The following MEIS2 variants were observed in gnomAD, a reference collection of about 807,000 sequenced individuals.
The protein encoded by MEIS2 is homeobox protein Meis2.
Under a neutral mutation model 58.6 loss-of-function variants are expected in MEIS2, and 9 were observed. That is an observed-to-expected ratio of 0.15 (90% confidence interval 0.09 to 0.27). MEIS2 has a LOEUF of 0.27. MEIS2 is among the 10% of genes least tolerant of loss of function. MEIS2 has a pLI of 1.00. For missense variants in MEIS2, 427 were observed against 635.0 expected (o/e 0.67, Z 3.52); for synonymous variants, 221 against 228.4 (o/e 0.97, Z 0.29).
chr15:36,995,185 G>A (rs563609595), intron 8 of MEIS2, among the ~76,000 whole-genome samples: 9 of 152,304 alleles, frequency 5.9e-5, no homozygotes, highest in African/African-American at 2.2e-4. Flanking sequence ...TGGCTGAAGG[G>A]AAATGGTCAA....
chr15:37,044,741 C>A (rs1336761015), intron 7 of MEIS2, among the ~76,000 whole-genome samples: 1 of 152,222 alleles, frequency 6.6e-6, no homozygotes, highest in Non-Finnish European at 1.5e-5. Context: ...ACTTCTTCAA[C>A]AGTTTGTTCT....
intron 6 of MEIS2, among the ~76,000 whole-genome samples, chr15:37,086,160 A>G (rs1892855545): frequency 6.6e-6 from 1 of 152,230 alleles, no homozygotes; most frequent in South Asian, 2.1e-4. Context: ...CATGAAAATT[A>G]TAATAATTAA....
intron 9 of MEIS2, among the ~76,000 whole-genome samples, chr15:36,928,624 T>C (rs1309380318): frequency 6.6e-6 from 1 of 152,234 alleles, no homozygotes; most frequent in African/African-American, 2.4e-5. Context: ...AGAGAGTTTA[T>C]GTACCCTCTG....
chr15:37,060,782 G>A (rs1421677705), intron 7 of MEIS2, among the ~76,000 whole-genome samples: 1 of 152,162 alleles, frequency 6.6e-6, no homozygotes, highest in Non-Finnish European at 1.5e-5. Context: ...CAGCTACAGA[G>A]TGCAGGGATT....
Position 37,093,716 on chromosome 15 carries a change from G to A in MEIS2, c.504C>T (p.Cys168=), listed in dbSNP as rs777983390. The change falls in exon 6 of 12, where the codon TGC becomes TGT. Residue 168 remains cysteine, a synonymous_variant. Coordinates refer to ENST00000561208, the MANE Select transcript of MEIS2 (RefSeq NM_170675.5). ...LLELEKVHEL[C]DNFCHRYISC... ...TAATGTATCGGTGGCAGAAGTTATC[G>A]CACAGTTCGTGGACCTAGAACGAAG... The A allele has an allele frequency of 7.4e-6, 12 of 1,613,966 alleles. No individual in the cohort carries two copies. Among genetic ancestry groups the A allele is most frequent in the East Asian group, 2.2e-5 (1 of 44,892 alleles).
At chr15:36,991,783 CTTTTTTTTTTTTT>C in intron 8 of MEIS2, among the ~76,000 whole-genome samples, 1 of 51,042 alleles carries the variant, frequency 2.0e-5, no homozygotes, top group South Asian at 1.3e-3. Flanking sequence ...TTTTTTTTTT[CTTTTTTTTTTTTT>C]TTTTTTTTTG....
rs1319045692 is a variant in MEIS2, at chr15:37,099,836, A to G, written c.-370T>C. ...AAAGAAAGAAAAGAAAAAGAAGAAAAAGAAGAAAAAAATTGTCAAGCCCCC... is the reference window on the plus strand; with the variant it reads ...AAAGAAAGAAAAGAAAAAGAAGAAAGAGAAGAAAAAAATTGTCAAGCCCCC... On this transcript the variant is annotated 5_prime_UTR_variant, in exon 1 of 12. Coordinates refer to ENST00000561208, the MANE Select transcript of MEIS2 (RefSeq NM_170675.5). 8.9e-6 allele frequency: 2 copies of G among 223,570 alleles called. No individual in the cohort carries two copies. The highest frequency in any genetic ancestry group is 1.9e-4 in the East Asian group (2 of 10,286). 13.8% of individuals were successfully genotyped at this position (223,570 alleles called of 1,614,324 possible).
intron 7 of MEIS2, among the ~76,000 whole-genome samples, chr15:37,052,012 A>G (rs768999614): frequency 1.2e-4 from 19 of 152,166 alleles, no homozygotes; most frequent in Non-Finnish European, 2.4e-4. Flanking sequence ...TTTGAAAGAT[A>G]ATAAAAGTAA....
intron 9 of MEIS2, among the ~76,000 whole-genome samples, chr15:36,921,530 G>A (rs960498229): frequency 6.6e-6 from 1 of 152,206 alleles, no homozygotes; most frequent in African/African-American, 2.4e-5. Context: ...AACTTTGGGA[G>A]TTGAAGGTTG....
At chr15:37,027,804 C>T (rs2061757463) in intron 8 of MEIS2, among the ~76,000 whole-genome samples, 1 of 151,356 alleles carries the variant, frequency 6.6e-6, no homozygotes, top group Admixed American at 6.6e-5. Flanking sequence ...GTTTTAGGTT[C>T]CTCAAAGCAA....
At chr15:37,032,988 A>G (rs1412222166) in intron 8 of MEIS2, among the ~76,000 whole-genome samples, 1 of 152,124 alleles carries the variant, frequency 6.6e-6, no homozygotes, top group African/African-American at 2.4e-5. Context: ...TTCCCCCTGA[A>G]GTTGGTGGTG....
At chr15:37,096,047 G>A (rs1894187182) in intron 3 of MEIS2, 2 of 493,054 alleles carry the variant, frequency 4.1e-6, no homozygotes, top group Admixed American at 3.6e-5. Context: ...ATTAGGAGCA[G>A]GTCAACTTTA....
chr15:37,014,175 C>T (rs1436615631), intron 8 of MEIS2, among the ~76,000 whole-genome samples: 1 of 152,146 alleles, frequency 6.6e-6, no homozygotes, highest in African/African-American at 2.4e-5. Flanking sequence ...TTCTTAAACC[C>T]ACTGCTTAGA....
In MEIS2 at chr15:36,910,311, C is replaced by T. The variant is rs2056947049; in HGVS notation, c.978-13625G>A. Among the ~76,000 whole-genome samples the T allele has an allele frequency of 2.6e-5, 4 of 152,094 alleles. No individual in the cohort carries two copies. The South Asian group carries it at 8.3e-4, about 32-fold the overall frequency. ...AGGAACTCTAGTCAATAGGTATTTC[C>T]CCAGAATAGGGGCCTAGGTCAAAAA... On this transcript the variant is annotated intron_variant, in intron 9 of 11. Coordinates refer to ENST00000561208, the MANE Select transcript of MEIS2 (RefSeq NM_170675.5).
At chr15:36,918,130 A>T (rs763039355) in intron 9 of MEIS2, among the ~76,000 whole-genome samples, 27 of 152,360 alleles carry the variant, frequency 1.8e-4, no homozygotes, top group South Asian at 6.2e-4. Context: ...TTGTCAAATA[A>T]AAAAAGCACT....
intron 8 of MEIS2, among the ~76,000 whole-genome samples, chr15:36,965,208 T>C (rs553964297): frequency 6.6e-6 from 1 of 152,282 alleles, no homozygotes; most frequent in South Asian, 2.1e-4. Flanking sequence ...TCATATAGAT[T>C]AGGGAGAAAC....
intron 8 of MEIS2, among the ~76,000 whole-genome samples, chr15:37,013,710 C>G (rs908194828): frequency 2.0e-5 from 3 of 151,698 alleles, no homozygotes; most frequent in Non-Finnish European, 4.4e-5. Flanking sequence ...ACAACTACCA[C>G]TCCTTATAAC....
intron 7 of MEIS2, among the ~76,000 whole-genome samples, chr15:37,051,095 C>T (rs2062899166): frequency 6.6e-6 from 1 of 152,084 alleles, no homozygotes; most frequent in Non-Finnish European, 1.5e-5. Context: ...ATATTGTGTC[C>T]CCACTTTGTA....
intron 8 of MEIS2, among the ~76,000 whole-genome samples, chr15:37,026,018 C>G (rs572259440): frequency 6.6e-6 from 1 of 152,056 alleles, no homozygotes; most frequent in East Asian, 1.9e-4. Context: ...ATAATAATGA[C>G]CCCATGTTCC....
Sources: allele counts gnomAD v4.1 joint callset (sites outside exome capture counted in the v4.1 genomes callset), GRCh38; gene constraint gnomAD v4.1.1; transcripts MANE v1.5; gene names NCBI Gene and HGNC (gene_info 2026-07-23, HGNC 2026-07-21).